Variants in CLCN7 observed in about 807,000 individuals in gnomAD.
The protein encoded by CLCN7 is Cl-/H+ antiporter 7.
A neutral mutation model predicts 102.1 loss-of-function variants in CLCN7; 60 were observed. The observed-to-expected ratio is 0.59, with a 90% CI of 0.48 to 0.73. The LOEUF is 0.73. Ranked by LOEUF, CLCN7 falls within the 30% of genes least tolerant of loss-of-function variation. CLCN7 has a pLI of 0.00. For missense variants in CLCN7, 962 were observed against 1,125.7 expected (o/e 0.85, Z 2.08); for synonymous variants, 560 against 490.5 (o/e 1.14, Z -1.87).
At chr16:1,460,551 G>A (rs1469224384) in intron 5 of CLCN7, 24 bp from the exon 6 acceptor site, 4 of 1,579,650 alleles carry the variant, frequency 2.5e-6, no homozygotes, top group Non-Finnish European at 3.5e-6. Flanking sequence ...AGGAGGGCTG[G>A]CTGCTTCCCC....
At chr16:1,474,534 G>A (rs866843379) in intron 1 of CLCN7, among the ~76,000 whole-genome samples, 5 of 152,332 alleles carry the variant, frequency 3.3e-5, no homozygotes, top group Middle Eastern at 6.8e-3. Context: ...GGGAATGAAC[G>A]TGCGCCACGG....
chr16:1,460,338 G>A, intron 6 of CLCN7, 80 bp downstream of exon 6: 1 of 1,034,680 alleles, frequency 9.7e-7, no homozygotes, highest in South Asian at 1.3e-5. Flanking sequence ...GGGTGGGTGA[G>A]CTGCAGGGGT....
intron 9 of CLCN7, among the ~76,000 whole-genome samples, chr16:1,456,913 A>T (rs1180874102): frequency 6.6e-6 from 1 of 151,980 alleles, no homozygotes; most frequent in Non-Finnish European, 1.5e-5. Context: ...TTTTTTGGGG[A>T]AAAAGTGTTC....
At position 1,459,100 on chromosome 16, in the gene CLCN7, C is replaced by T; in HGVS notation, c.675+7G>A. ...ACCCTGCCCAGCCAGGGCCACCGCA[C>T]CCTCACCTTGAGCCGCACCACGTGG... On this transcript the variant is annotated splice_region_variant and intron_variant, in intron 7 of 24. Transcript: ENST00000382745. The T allele has an allele frequency of 6.2e-7, 1 of 1,606,088 alleles. No homozygotes were observed. The highest frequency in any genetic ancestry group is 8.5e-7 in the Non-Finnish European group (1 of 1,174,332).
At position 1,447,033 on chromosome 16, in the gene CLCN7, G is replaced by A. The variant is rs1371537254; in HGVS notation, c.2304C>T (p.His768=). Residue 768 remains histidine (H), a synonymous_variant, in exon 24 of 25, where the codon CAC becomes CAT. Coordinates refer to ENST00000382745, the MANE Select transcript of CLCN7 (RefSeq NM_001287.6). ...FKLFRALGLR[H]LVVVDNRNQV... is the part of the protein sequence containing the mutation. ...GATTGCGGTTGTCCACCACCACCAGGTGCCGCAGGCCCAGGGCCCGGAACA... is the reference window on the plus strand; with the variant it reads ...GATTGCGGTTGTCCACCACCACCAGATGCCGCAGGCCCAGGGCCCGGAACA... 2 of 1,601,558 alleles carry A rather than the reference G, an allele frequency of 1.2e-6. No homozygotes were observed. The highest frequency in any genetic ancestry group is 2.2e-5 in the East Asian group (1 of 44,566).
At chr16:1,450,817 T>C (rs1311096967) in intron 16 of CLCN7, 151 bp from the exon 17 acceptor site, 5 of 693,456 alleles carry the variant, frequency 7.2e-6, no homozygotes, top group Non-Finnish European at 1.2e-5. Flanking sequence ...AGGCTCCCTG[T>C]TCTCAGCCTC....
chr16:1,474,895 G>T lies in CLCN7; in HGVS notation c.80C>A (p.Thr27Lys). Residue 27 changes from threonine to lysine, a missense_variant, in exon 1 of 25, where the codon ACG becomes AAG. Physicochemically the swap from Thr to Lys is moderately conservative, Grantham distance 78. This residue lies in a region of CLCN7 where 163 missense variants were observed against 137.7 expected (regional missense o/e 1.18). Coordinates refer to ENST00000382745, the MANE Select transcript of CLCN7 (RefSeq NM_001287.6). The part of the protein sequence containing the change: ...DEEAAPLLRR[T>K]ARPGGGTPLL... ...CGGCGTCCCCCCGCCGGGCCGCGCC[G>T]TCCTCCGCAGCAGCGGCGCCGCCTC... 1 of 1,457,870 alleles carries T rather than the reference G, an allele frequency of 6.9e-7. No homozygotes were observed. Among genetic ancestry groups the T allele is most frequent in the Non-Finnish European group, 9.0e-7 (1 of 1,108,084 alleles). 90.3% of individuals were successfully genotyped at this position (1,457,870 alleles called of 1,614,324 possible). A position where few individuals can be genotyped will look rare whatever the true frequency, so the allele number is the denominator to read the frequency against.
chr16:1,461,749 A>G, intron 2 of CLCN7, 75 bp from the exon 3 acceptor site: 1 of 1,252,244 alleles, frequency 8.0e-7, no homozygotes, highest in Non-Finnish European at 1.2e-6. Context: ...CAGCTCACAC[A>G]CGAGGCCATT....
chr16:1,473,847 G>A (rs1029816102), intron 1 of CLCN7, among the ~76,000 whole-genome samples: 1 of 152,074 alleles, frequency 6.6e-6, no homozygotes, highest in Admixed American at 6.5e-5. Flanking sequence ...ACTTTGGGAG[G>A]CTGAGGTGCG....
intron 15 of CLCN7, chr16:1,452,468 C>T: frequency 2.1e-6 from 1 of 485,082 alleles, no homozygotes; most frequent in African/African-American, 1.9e-5. Context: ...CTATGGTGCC[C>T]CCATAGGGCG....
At chr16:1,458,433 G>A (rs1055679161) in intron 7 of CLCN7, among the ~76,000 whole-genome samples, 12 of 152,250 alleles carry the variant, frequency 7.9e-5, no homozygotes, top group South Asian at 2.1e-4. Context: ...CAGGCGGGTC[G>A]CCATTCCCAG....
At chr16:1,446,852 C>CGG (rs1303929198) in intron 24 of CLCN7, 135 bp from the exon 25 acceptor site, 3 of 1,110,174 alleles carry the variant, frequency 2.7e-6, no homozygotes, top group Non-Finnish European at 4.0e-6. Flanking sequence ...GAGCTGAGCA[C>CGG]GGGGCTGGGG....
At chr16:1,451,587 T>C in intron 16 of CLCN7, 36 bp downstream of exon 16, 1 of 1,565,262 alleles carries the variant, frequency 6.4e-7, no homozygotes, top group Non-Finnish European at 8.8e-7. Flanking sequence ...CAGGCCCTGA[T>C]CCCAGGGCCT....
At position 1,468,015 on chromosome 16, in the gene CLCN7, C is replaced by T. The variant is rs1164002241; in HGVS notation, c.142-2677G>A. ...AGAGGATCGCTTGAGCCTGGGAAGT[C>T]GAGGCTACAGTGAGCTATGGTTGCA... On this transcript the variant is annotated intron_variant, in intron 1 of 24. Coordinates refer to ENST00000382745, the MANE Select transcript of CLCN7 (RefSeq NM_001287.6). Among the ~76,000 whole-genome samples the T allele has an allele frequency of 3.9e-5, 6 of 152,028 alleles. No homozygotes were observed. In the East Asian group the frequency reaches 5.8e-4, roughly 15 times the overall value.
intron 15 of CLCN7, 47 bp from the exon 16 acceptor site, chr16:1,451,763 T>C: frequency 2.0e-6 from 3 of 1,519,320 alleles, no homozygotes; most frequent in Non-Finnish European, 2.7e-6. Context: ...GATGAGCTGG[T>C]GGGCTGCAGG....
intron 1 of CLCN7, among the ~76,000 whole-genome samples, chr16:1,466,246 C>A (rs1007350023): frequency 6.6e-6 from 1 of 152,242 alleles, no homozygotes; most frequent in African/African-American, 2.4e-5. Flanking sequence ...ACGAGGCTGC[C>A]GCCCGCCTTC....
At chr16:1,451,757 A>G (rs888636528) in intron 15 of CLCN7, 41 bp from the exon 16 acceptor site, 2 of 1,544,940 alleles carry the variant, frequency 1.3e-6, no homozygotes, top group Non-Finnish European at 1.8e-6. Context: ...AGGGGAGATG[A>G]GCTGGTGGGC....
Position 1,452,851 on chromosome 16 carries a change from C to G in CLCN7, c.1257G>C (p.Leu419=), listed in dbSNP as rs1362780341. The change falls in exon 15 of 25, where the codon CTG becomes CTC. Residue 419 remains leucine, a synonymous_variant. Coordinates refer to ENST00000382745, the MANE Select transcript of CLCN7 (RefSeq NM_001287.6). ...CAACTGTGGCCGTGACGGCGGCCAC[C>G]AGCACGGCCTCAATCACCTGCAGGC... ...RPCLQVIEAV[L]VAAVTATVAF... The G allele has an allele frequency of 5.1e-6, 8 of 1,582,540 alleles. No individual in the cohort carries two copies. Among genetic ancestry groups the G allele is most frequent in the Non-Finnish European group, 6.9e-6 (8 of 1,164,634 alleles).
intron 2 of CLCN7, among the ~76,000 whole-genome samples, chr16:1,462,088 GAAA>G (rs34780823): frequency 4.3e-5 from 6 of 140,094 alleles, no homozygotes; most frequent in Admixed American, 1.4e-4. Flanking sequence ...CCGTCTCAAA[GAAA>G]AAAAAAAAAA....
Sources: gnomAD v4.1 joint callset for allele counts (sites outside exome capture counted in the v4.1 genomes callset) on GRCh38, gnomAD v4.1.1 for gene constraint, gnomAD v4.1.1 regional missense constraint, MANE v1.5 for transcripts, NCBI Gene and HGNC (gene_info 2026-07-23, HGNC 2026-07-21) for gene names.